Variants in ANO10 observed in about 807,000 individuals in gnomAD.
The protein encoded by ANO10 is anoctamin 10.
ANO10 carries 77 observed loss-of-function variants against 74.7 expected under a neutral mutation model. The observed-to-expected ratio is 1.03, with a 90% CI of 0.86 to 1.25. The LOEUF (loss-of-function observed/expected upper bound fraction) is 1.25, where lower values mean the gene tolerates loss of function less well. Ranked by LOEUF, ANO10 falls within the 50% of genes most tolerant of loss-of-function variation. The pLI, the probability that ANO10 is intolerant of heterozygous loss-of-function variation, is 0.00. For synonymous variants in ANO10, 279 were observed against 284.9 expected (o/e 0.98, Z 0.21); for missense variants, 721 against 778.1 (o/e 0.93, Z 0.87).
chr3:43,382,391 C>T (rs1002416479), intron 12 of ANO10, among the ~76,000 whole-genome samples: 10 of 151,678 alleles, frequency 6.6e-5, no homozygotes, highest in Non-Finnish European at 1.3e-4. Flanking sequence ...TGGTAGCGGG[C>T]GCCTGTAGTC....
At position 43,481,119 on chromosome 3, in the gene ANO10, A is replaced by C. The variant is rs186292431; in HGVS notation, c.1798-48392T>G. Among the ~76,000 whole-genome samples, 476 of 151,126 alleles carry C rather than the reference A, an allele frequency of 3.1e-3. 5 individuals are homozygous for C. Among genetic ancestry groups the C allele is most frequent in the Non-Finnish European group, 5.7e-3 (388 of 67,736 alleles). ...ATAGTAGAGAGTCAATAAAACTGAA[A>C]GACATAGTATTTAGAAATATAGAGG... is the stretch of plus-strand genomic sequence containing the variant. On this transcript the variant is annotated intron_variant, in intron 11 of 12. Coordinates refer to ENST00000292246, the MANE Select transcript of ANO10 (RefSeq NM_018075.5).
chr3:43,395,320 A>G (rs1395600350), intron 12 of ANO10, among the ~76,000 whole-genome samples: 1 of 152,232 alleles, frequency 6.6e-6, no homozygotes, highest in Non-Finnish European at 1.5e-5. Flanking sequence ...TCATACGTTT[A>G]TGGATCATAC....
Position 43,681,222 on chromosome 3 carries a change from G to A in ANO10, c.-12+10295C>T, listed in dbSNP as rs1245836210. On this transcript the variant is annotated intron_variant, in intron 1 of 3. Coordinates refer to the ANO10 transcript ENST00000413397. ...AGACACACATAGGCTCAAAATAAAGGGATGGAGGAAGATCTACCAAGCAAA... is the reference window on the plus strand; with the variant it reads ...AGACACACATAGGCTCAAAATAAAGAGATGGAGGAAGATCTACCAAGCAAA... Among the ~76,000 whole-genome samples, 3 of 152,040 alleles carry A rather than the reference G, an allele frequency of 2.0e-5. No homozygotes were observed. In the East Asian group the frequency reaches 5.8e-4, roughly 29 times the overall value.
At chr3:43,404,202 T>C (rs1458839785) in intron 12 of ANO10, among the ~76,000 whole-genome samples, 1 of 152,208 alleles carries the variant, frequency 6.6e-6, no homozygotes, top group Non-Finnish European at 1.5e-5. Flanking sequence ...AGAGAGACTC[T>C]TTATAGGTGG....
chr3:43,593,610 C>G (rs1167106190), intron 4 of ANO10, among the ~76,000 whole-genome samples: 1 of 152,188 alleles, frequency 6.6e-6, no homozygotes, highest in Non-Finnish European at 1.5e-5. Context: ...CTGAAGGAAG[C>G]ACTAAACATG....
intron 11 of ANO10, among the ~76,000 whole-genome samples, chr3:43,455,110 G>A (rs1468532801): frequency 1.3e-5 from 2 of 152,152 alleles, no homozygotes; most frequent in African/African-American, 4.8e-5. Context: ...TGCAAGTGGT[G>A]TAGCTGGCGG....
At chr3:43,505,030 T>C (rs2077241665) in intron 11 of ANO10, among the ~76,000 whole-genome samples, 1 of 152,188 alleles carries the variant, frequency 6.6e-6, no homozygotes, top group Non-Finnish European at 1.5e-5. Flanking sequence ...CTGAACAAAG[T>C]TCTTTTGAAT....
At chr3:43,505,180 A>G (rs1196246985) in intron 11 of ANO10, among the ~76,000 whole-genome samples, 2 of 152,242 alleles carry the variant, frequency 1.3e-5, no homozygotes, top group Non-Finnish European at 2.9e-5. Context: ...AATACTATCT[A>G]AGTTCTATAC....
At chr3:43,590,938 A>C (rs1190633539) in intron 4 of ANO10, among the ~76,000 whole-genome samples, 10 of 152,148 alleles carry the variant, frequency 6.6e-5, no homozygotes, top group Admixed American at 6.5e-4. Context: ...TCAGTTAGTA[A>C]AGAGGGCTCA....
intron 12 of ANO10, among the ~76,000 whole-genome samples, chr3:43,384,973 G>A (rs2092073993): frequency 6.6e-6 from 1 of 152,136 alleles, no homozygotes; most frequent in Non-Finnish European, 1.5e-5. Context: ...AATCAGCAGA[G>A]TTAACAGACA....
chr3:43,494,979 G>A (rs982644929), intron 11 of ANO10, among the ~76,000 whole-genome samples: 1 of 151,694 alleles, frequency 6.6e-6, no homozygotes, highest in Non-Finnish European at 1.5e-5. Flanking sequence ...AATTGTAGTA[G>A]GAAAATTTTT....
chr3:43,662,520 A>C (rs1268305679), intron 1 of ANO10, among the ~76,000 whole-genome samples: 1 of 152,212 alleles, frequency 6.6e-6, no homozygotes, highest in Non-Finnish European at 1.5e-5. Flanking sequence ...AAGAGCAAAC[A>C]AATTCAACAG....
At chr3:43,566,097 C>G (rs1253013205) in intron 7 of ANO10, among the ~76,000 whole-genome samples, 1 of 152,180 alleles carries the variant, frequency 6.6e-6, no homozygotes, top group Non-Finnish European at 1.5e-5. Context: ...AAAATCGGGT[C>G]ACTCCCACCA....
intron 12 of ANO10, among the ~76,000 whole-genome samples, chr3:43,426,160 T>C (rs972450529): frequency 2.6e-5 from 4 of 152,160 alleles, no homozygotes; most frequent in African/African-American, 7.2e-5. Context: ...CATGTATTTA[T>C]TTATGTCTTT....
At chr3:43,618,963 G>C (rs143400246) in intron 1 of ANO10, among the ~76,000 whole-genome samples, 3 of 152,092 alleles carry the variant, frequency 2.0e-5, no homozygotes, top group African/African-American at 7.2e-5. Context: ...CACCATGCTC[G>C]GCTAATTTTT....
At chr3:43,576,653 C>T (rs752941925) in intron 6 of ANO10, 39 bp downstream of exon 6, 6 of 1,599,074 alleles carry the variant, frequency 3.8e-6, no homozygotes, top group African/African-American at 1.3e-5. Context: ...ACATTTCTTA[C>T]AGGCAAGTAA....
chr3:43,615,808 C>T (rs2083072165), intron 1 of ANO10, among the ~76,000 whole-genome samples: 1 of 152,014 alleles, frequency 6.6e-6, no homozygotes, highest in Admixed American at 6.6e-5. Flanking sequence ...GGCATGCCAC[C>T]ACGCCCAGCT....
At chr3:43,501,431 A>C (rs560772643) in intron 11 of ANO10, among the ~76,000 whole-genome samples, 1 of 152,238 alleles carries the variant, frequency 6.6e-6, no homozygotes. Flanking sequence ...ACAAACATCC[A>C]AACTATAGCA....
intron 11 of ANO10, among the ~76,000 whole-genome samples, chr3:43,523,244 G>A (rs182720877): frequency 5.1e-4 from 77 of 152,296 alleles, no homozygotes; most frequent in African/African-American, 1.8e-3. Context: ...TCATTCCATT[G>A]GAGGAGTCAC....
Sources: gnomAD v4.1 joint callset for allele counts (sites outside exome capture counted in the v4.1 genomes callset) on GRCh38, gnomAD v4.1.1 for gene constraint, MANE v1.5 for transcripts, NCBI Gene and HGNC (gene_info 2026-07-23, HGNC 2026-07-21) for gene names.